The following RSPO2 variants were observed in gnomAD, a reference collection of about 807,000 sequenced individuals.
RSPO2 encodes R-spondin 2.
In RSPO2, 14 loss-of-function variants were observed where a neutral mutation model predicts 30.9. The ratio of observed to expected loss-of-function variants is 0.45; its 90% CI spans 0.30 to 0.71. The LOEUF (loss-of-function observed/expected upper bound fraction) is 0.71. RSPO2 is among the 30% of genes least tolerant of loss of function. The pLI, the probability that RSPO2 is intolerant of heterozygous loss-of-function variation, is 0.08. For missense variants in RSPO2, 264 were observed against 301.9 expected, an observed-to-expected ratio of 0.87 and a Z score of 0.93; for synonymous variants, 107 against 96.4, an observed-to-expected ratio of 1.11 and a Z score of -0.64.
intron 2 of RSPO2, among the ~76,000 whole-genome samples, chr8:108,044,480 G>C (rs1015082095): frequency 6.6e-6 from 1 of 152,062 alleles, no homozygotes; most frequent in Non-Finnish European, 1.5e-5. Flanking sequence ...TTCTGTCTCT[G>C]CATTAACTCG....
At chr8:107,977,792 GTT>G (rs1394055592) in intron 3 of RSPO2, among the ~76,000 whole-genome samples, 1 of 151,986 alleles carries the variant, frequency 6.6e-6, no homozygotes, top group Non-Finnish European at 1.5e-5. Flanking sequence ...CCAGATTCAG[GTT>G]TAACCATATA....
chr8:107,947,196 T>C (rs1033774232), intron 5 of RSPO2, among the ~76,000 whole-genome samples: 2 of 152,238 alleles, frequency 1.3e-5, no homozygotes, highest in Non-Finnish European at 2.9e-5. Flanking sequence ...ACAATTGAAA[T>C]TGAACTTTGT....
At chr8:107,991,434 A>G (rs1020682998) in intron 2 of RSPO2, among the ~76,000 whole-genome samples, 1 of 152,232 alleles carries the variant, frequency 6.6e-6, no homozygotes, top group African/African-American at 2.4e-5. Flanking sequence ...GGTAAAACCC[A>G]GAACTATAAA....
rs560699935 is a variant in RSPO2, at chr8:107,967,065, A to G, written c.284-6248T>C. On this transcript the variant is annotated intron_variant, in intron 3 of 5. Transcript: ENST00000276659. ...GAATGTGGCAGTCAATGACAAAAAC[A>G]GGGCATTTATTTAGTCCCCACATAG... Among the ~76,000 whole-genome samples the G allele has an allele frequency of 2.6e-5, 4 of 152,300 alleles. No homozygotes were observed. In the South Asian group the frequency reaches 8.3e-4, roughly 32 times the overall value.
intron 2 of RSPO2, among the ~76,000 whole-genome samples, chr8:108,032,981 C>T (rs954686164): frequency 1.5e-4 from 19 of 130,194 alleles, no homozygotes; most frequent in Non-Finnish European, 2.2e-4. Flanking sequence ...ACCCGGGAGG[C>T]GAAGCTTGCA....
At chr8:108,029,002 A>G (rs1811318032) in intron 2 of RSPO2, among the ~76,000 whole-genome samples, 1 of 131,340 alleles carries the variant, frequency 7.6e-6, no homozygotes, top group Non-Finnish European at 1.6e-5. Flanking sequence ...TTCAAATTCT[A>G]GTGCTGGTAC....
At chr8:107,925,984 T>A (rs1031912110) in intron 5 of RSPO2, among the ~76,000 whole-genome samples, 9 of 152,170 alleles carry the variant, frequency 5.9e-5, no homozygotes, top group African/African-American at 1.2e-4. Context: ...CACCACACTG[T>A]CTTCCACAAT....
intron 2 of RSPO2, among the ~76,000 whole-genome samples, chr8:108,072,319 CTT>C (rs34402426): frequency 7.1e-5 from 6 of 84,270 alleles, no homozygotes; most frequent in Admixed American, 1.5e-4. Context: ...TGGCAGAGAA[CTT>C]TTTTTTTTTT....
At chr8:107,913,944 C>A (rs1811900446) in intron 5 of RSPO2, among the ~76,000 whole-genome samples, 1 of 152,082 alleles carries the variant, frequency 6.6e-6, no homozygotes, top group Admixed American at 6.6e-5. Context: ...ATGTTCTTGT[C>A]AGTTTTACTT....
At chr8:107,921,640 C>T (rs1228689259) in intron 5 of RSPO2, among the ~76,000 whole-genome samples, 2 of 151,714 alleles carry the variant, frequency 1.3e-5, no homozygotes, top group Non-Finnish European at 2.9e-5. Context: ...GATAACAAAA[C>T]CTGACAAGAA....
intron 2 of RSPO2, among the ~76,000 whole-genome samples, chr8:108,063,316 A>T (rs978294583): frequency 2.0e-5 from 3 of 151,874 alleles, no homozygotes; most frequent in African/African-American, 7.3e-5. Context: ...TGAAGCTGAT[A>T]GGCAACTTCA....
intron 2 of RSPO2, among the ~76,000 whole-genome samples, chr8:108,079,040 T>C (rs1586684878): frequency 6.6e-6 from 1 of 152,092 alleles, no homozygotes; most frequent in Admixed American, 6.6e-5. Context: ...TTCCAAAAAA[T>C]GAAAGTAATC....
chr8:108,034,538 T>C lies in RSPO2; in HGVS notation c.95-45294A>G, dbSNP rs541764025. On this transcript the variant is annotated intron_variant, in intron 2 of 5. Coordinates refer to ENST00000276659, the MANE Select transcript of RSPO2 (RefSeq NM_178565.5). ...CAAAAGGGAGAGGACAGATGAAGCA[T>C]ATACAGAAAAACATTTTAAAACATT... Among the ~76,000 whole-genome samples, 6 of 152,342 alleles carry C rather than the reference T, an allele frequency of 3.9e-5. No individual in the cohort carries two copies. In the South Asian group the frequency reaches 1.2e-3, roughly 32 times the overall value.
At chr8:107,987,898 GATTTA>G (rs1814702971) in intron 3 of RSPO2, among the ~76,000 whole-genome samples, 1 of 152,042 alleles carries the variant, frequency 6.6e-6, no homozygotes, top group Non-Finnish European at 1.5e-5. Flanking sequence ...ATAAATATGA[GATTTA>G]ATTATCTCAT....
intron 2 of RSPO2, among the ~76,000 whole-genome samples, chr8:108,044,314 T>A (rs903485215): frequency 1.3e-5 from 2 of 152,144 alleles, no homozygotes; most frequent in African/African-American, 2.4e-5. Flanking sequence ...TGCTGATGTT[T>A]GGGGTACAAA....
intron 5 of RSPO2, among the ~76,000 whole-genome samples, chr8:107,901,953 A>G (rs1445273212): frequency 6.6e-6 from 1 of 152,156 alleles, no homozygotes; most frequent in African/African-American, 2.4e-5. Context: ...TCCAGCAGGA[A>G]TTTTTTAAAT....
At chr8:107,945,596 C>T (rs1176572866) in intron 5 of RSPO2, among the ~76,000 whole-genome samples, 3 of 152,170 alleles carry the variant, frequency 2.0e-5, no homozygotes, top group South Asian at 2.1e-4. Flanking sequence ...TCTTTTGCTA[C>T]GTAACACATG....
At chr8:108,019,158 C>A (rs540575579) in intron 2 of RSPO2, among the ~76,000 whole-genome samples, 3 of 152,048 alleles carry the variant, frequency 2.0e-5, no homozygotes, top group Non-Finnish European at 4.4e-5. Flanking sequence ...TAAAAAAACA[C>A]GGCCTGGCCA....
Position 108,082,754 on chromosome 8 carries a change from A to C in RSPO2, c.-116T>G. 1.3e-6 allele frequency: 1 copy of C among 761,084 alleles called. No individual in the cohort carries two copies. 47.1% of individuals were successfully genotyped at this position (761,084 alleles called of 1,614,324 possible). On this transcript the variant is annotated 5_prime_UTR_variant, in exon 2 of 6. Coordinates refer to ENST00000276659, the MANE Select transcript of RSPO2 (RefSeq NM_178565.5). ...GGACTCAGAGGGAGACTCGCCACTC[A>C]CCCCCGGGCCGCACCGGTCAGTTCA... is the stretch of plus-strand genomic sequence containing the variant.
Sources: gnomAD v4.1 joint callset for allele counts (sites outside exome capture counted in the v4.1 genomes callset) on GRCh38, gnomAD v4.1.1 for gene constraint, MANE v1.5 for transcripts, NCBI Gene and HGNC (gene_info 2026-07-23, HGNC 2026-07-21) for gene names.